Variants in UNKL observed in about 807,000 individuals in gnomAD.
UNKL encodes the protein unk like zinc finger, also known as putative E3 ubiquitin-protein ligase UNKL.
UNKL carries 60 observed loss-of-function variants against 78.0 expected under a neutral mutation model. That is an observed-to-expected ratio of 0.77 (90% CI 0.63 to 0.95). The LOEUF is 0.95. UNKL is among the 40% of genes least tolerant of loss of function. UNKL has a pLI of 0.00. For missense variants in UNKL, 1,159 were observed against 1,045.7 expected (o/e 1.11, Z -1.49); for synonymous variants, 608 against 474.8 (o/e 1.28, Z -3.65).
At chr16:1,395,767 G>A in intron 6 of UNKL, 1 of 456,612 alleles carries the variant, frequency 2.2e-6, no homozygotes, top group Non-Finnish European at 4.4e-6. Flanking sequence ...AGGCCTGCGT[G>A]ACTGAACACA....
chr16:1,385,765 C>T (rs1382160280), intron 9 of UNKL, among the ~76,000 whole-genome samples: 2 of 152,264 alleles, frequency 1.3e-5, no homozygotes, highest in Non-Finnish European at 2.9e-5. Flanking sequence ...CTTCTCCCCA[C>T]ACCTCCTGGG....
In UNKL at chr16:1,413,970, AGTGGAAGCAG is replaced by A; in HGVS notation, c.153_162del (p.Cys52GlyfsTer78). 6.4e-7 allele frequency: 1 copy of A among 1,552,722 alleles called. No homozygotes were observed. On this transcript the variant is annotated frameshift_variant, in exon 2 of 15. Coordinates refer to ENST00000389221, the MANE Select transcript of UNKL (RefSeq NM_001372107.1). LOFTEE classifies it high-confidence loss of function. Reference sequence around the variant, plus strand: ...CGGCGCCGCTGGTTGAGGAAGTGCCAGTGGAAGCAGGTGAACGGCCGGTGCTGCGCGCACT... The same window carrying A: ...CGGCGCCGCTGGTTGAGGAAGTGCCAGTGAACGGCCGGTGCTGCGCGCACT...
intron 2 of UNKL, among the ~76,000 whole-genome samples, chr16:1,406,274 A>G (rs1333758166): frequency 1.3e-5 from 2 of 150,776 alleles, no homozygotes; most frequent in African/African-American, 4.9e-5. Context: ...GTGCAGTGGC[A>G]CAATCTCAGC....
At chr16:1,400,694 A>T (rs888022436) in intron 4 of UNKL, among the ~76,000 whole-genome samples, 6 of 147,350 alleles carry the variant, frequency 4.1e-5, no homozygotes, top group East Asian at 4.0e-4. Context: ...TGTATTTTAC[A>T]TTTTTTTTTT....
intron 10 of UNKL, among the ~76,000 whole-genome samples, chr16:1,380,246 C>G (rs78381131): frequency 6.6e-6 from 1 of 152,056 alleles, no homozygotes; most frequent in African/African-American, 2.4e-5. Context: ...GCTCCAGTCA[C>G]AGTACACCTA....
chr16:1,387,153 C>G lies in UNKL; in HGVS notation c.1087-1768G>C, dbSNP rs536203890. 7.9e-5 allele frequency among the ~76,000 whole-genome samples: 12 copies of G among 151,894 alleles called. No homozygotes were observed. The East Asian group carries it at 2.1e-3, about 27-fold the overall frequency. On this transcript the variant is annotated intron_variant, in intron 9 of 14. Coordinates refer to ENST00000389221, the MANE Select transcript of UNKL (RefSeq NM_001372107.1). This position sits in a 1 kb window ranked among gnomAD's most constrained non-coding sequence, Gnocchi z 4.1. ...TCCCAGCCATGCAGCACCGGGGACC[C>G]TCCCAGCCATGCAGCACCGGGGACC...
chr16:1,408,831 C>G (rs1446840915), intron 2 of UNKL: 1 of 152,496 alleles, frequency 6.6e-6, no homozygotes, highest in Non-Finnish European at 1.5e-5. Context: ...CAACCAAGAG[C>G]AACGCCTGAT....
In UNKL at chr16:1,404,182, G is replaced by C. The variant is rs746449515; in HGVS notation, c.288-838C>G. Among the ~76,000 whole-genome samples, 4 of 152,204 alleles carry C rather than the reference G, an allele frequency of 2.6e-5. No individual in the cohort carries two copies. The South Asian group carries it at 8.3e-4, about 31-fold the overall frequency. ...TGGTGTCGAGCCCTGGCTGGTCACA[G>C]AATCACCCTGAGTGGCCCAAGGGCC... is the stretch of plus-strand genomic sequence containing the variant. On this transcript the variant is annotated intron_variant, in intron 2 of 14. Transcript: ENST00000389221.
Position 1,403,054 on chromosome 16 carries a change from G to T in UNKL, c.464+114C>A. The T allele has an allele frequency of 7.8e-7, 1 of 1,273,962 alleles. No individual in the cohort carries two copies. Among genetic ancestry groups the T allele is most frequent in the South Asian group, 1.5e-5 (1 of 64,562 alleles). The allele number at this position is 1,273,962 out of a possible 1,614,324, so 78.9% of individuals were successfully genotyped here. On this transcript the variant is annotated intron_variant, in intron 3 of 14. Coordinates refer to ENST00000389221, the MANE Select transcript of UNKL (RefSeq NM_001372107.1). This position sits in a 1 kb window ranked among gnomAD's most constrained non-coding sequence, Gnocchi z 4.8. ...AAGAAATTCTGGAGGAGAGAGATTT[G>T]GGCCAGCAGAGCCTGCAGCAGCAGG...
At chr16:1,369,128 G>A (rs1252897495) in intron 12 of UNKL, among the ~76,000 whole-genome samples, 1 of 142,432 alleles carries the variant, frequency 7.0e-6, no homozygotes, top group Non-Finnish European at 1.5e-5. Flanking sequence ...GGAGTGCAGT[G>A]GCACAATCTC....
intron 12 of UNKL, chr16:1,369,803 C>T (rs2141953595): frequency 1.3e-6 from 1 of 760,114 alleles, no homozygotes; most frequent in South Asian, 1.8e-5. Context: ...GATGAAACGC[C>T]ATCTCTACTA....
At chr16:1,406,400 A>G (rs1431268540) in intron 2 of UNKL, among the ~76,000 whole-genome samples, 4 of 152,026 alleles carry the variant, frequency 2.6e-5, no homozygotes, top group Non-Finnish European at 5.9e-5. Flanking sequence ...TTTAGTAGAG[A>G]CAGGGTTTCA....
chr16:1,390,508 T>G, intron 9 of UNKL, 124 bp downstream of exon 9: 5 of 977,038 alleles, frequency 5.1e-6, no homozygotes, highest in Non-Finnish European at 5.8e-6. Context: ...GAGCCGAGAG[T>G]GGGCGGGACC....
In UNKL at chr16:1,401,644, G is replaced by T. The variant is rs374586522; in HGVS notation, c.522C>A (p.Val174=). The change falls in exon 4 of 15, where the codon GTC becomes GTA. Residue 174 remains valine, a synonymous_variant. Transcript: ENST00000389221. ...QNGQLGGGEG[V]PDLQPGVLAS... ...CCAAGACCCCAGGCTGCAGATCCGGGACCCCTTCCCCGCCGCCCAGCTGGC... is the reference window on the plus strand; with the variant it reads ...CCAAGACCCCAGGCTGCAGATCCGGTACCCCTTCCCCGCCGCCCAGCTGGC... 4.3e-6 allele frequency: 7 copies of T among 1,612,226 alleles called. No homozygotes were observed. The African/African-American group carries it at 8.0e-5, about 18-fold the overall frequency.
chr16:1,391,612 C>T (rs1244854531), intron 8 of UNKL, among the ~76,000 whole-genome samples: 1 of 151,956 alleles, frequency 6.6e-6, no homozygotes, highest in Non-Finnish European at 1.5e-5. Flanking sequence ...GATGCCAAAT[C>T]TCGAAGGTCT....
Position 1,367,313 on chromosome 16 carries a change from T to C in UNKL, c.1825A>G (p.Lys609Glu). 1 of 1,551,782 alleles carries C rather than the reference T, an allele frequency of 6.4e-7. No homozygotes were observed. The highest frequency in any genetic ancestry group is 8.7e-7 in the Non-Finnish European group (1 of 1,152,992). The change falls in exon 14 of 15, where the codon AAG (lysine) becomes GAG (glutamate). Residue 609 changes from lysine to glutamate, a missense_variant. Transcript: ENST00000389221. Reference sequence around the variant, plus strand: ...CTATCGGCCACACGGGCACGCTCCTTGGCCTCCTGCGCCTCTCGCTGCCAG... The same window carrying C: ...CTATCGGCCACACGGGCACGCTCCTCGGCCTCCTGCGCCTCTCGCTGCCAG... ...DAWQREAQEA[K>E]ERARVADSDR...
intron 10 of UNKL, among the ~76,000 whole-genome samples, chr16:1,375,525 C>CAGA (rs930646482): frequency 5.9e-5 from 9 of 152,226 alleles, no homozygotes; most frequent in Non-Finnish European, 1.2e-4. Context: ...GGGCCCAGGG[C>CAGA]AGAGAACCTG....
intron 8 of UNKL, among the ~76,000 whole-genome samples, chr16:1,392,152 G>A (rs761410460): frequency 1.3e-5 from 2 of 152,186 alleles, no homozygotes; most frequent in Non-Finnish European, 2.9e-5. Flanking sequence ...AGAAATATAT[G>A]AAGGGAGTCA....
chr16:1,379,635 T>A (rs997072853), intron 10 of UNKL: 3 of 984,286 alleles, frequency 3.0e-6, no homozygotes, highest in South Asian at 9.4e-5. Context: ...CCGCCGCCAA[T>A]GCTGACTCAC....
Sources: allele counts gnomAD v4.1 joint callset (sites outside exome capture counted in the v4.1 genomes callset), GRCh38; gene constraint gnomAD v4.1.1; non-coding constraint Gnocchi (gnomAD v3.1); transcripts MANE v1.5; gene names NCBI Gene and HGNC (gene_info 2026-07-23, HGNC 2026-07-21).